Variants in FNBP1L observed in about 807,000 individuals in gnomAD.
FNBP1L encodes formin-binding protein 1-like.
A neutral mutation model predicts 91.2 loss-of-function variants in FNBP1L; 36 were observed. That is an observed-to-expected ratio of 0.39 (90% CI 0.30 to 0.52). The LOEUF is 0.52. FNBP1L is among the 20% of genes least tolerant of loss of function. The pLI, the probability that FNBP1L is intolerant of heterozygous loss-of-function variation, is 0.66. For synonymous variants in FNBP1L, 242 were observed against 237.0 expected (o/e 1.02, Z -0.19); for missense variants, 571 against 732.1 (o/e 0.78, Z 2.54).
intron 1 of FNBP1L, among the ~76,000 whole-genome samples, chr1:93,495,915 T>G (rs567991742): frequency 6.6e-6 from 1 of 152,362 alleles, no homozygotes; most frequent in South Asian, 2.1e-4. Flanking sequence ...ATCTTTTACT[T>G]GTTGTAAAGT....
At chr1:93,517,774 A>G (rs1214321649) in intron 2 of FNBP1L, among the ~76,000 whole-genome samples, 2 of 151,556 alleles carry the variant, frequency 1.3e-5, no homozygotes, top group Admixed American at 1.3e-4. Context: ...GATGGTCTTT[A>G]GCTACCTTTC....
At chr1:93,520,438 G>T (rs1671284050) in intron 2 of FNBP1L, among the ~76,000 whole-genome samples, 1 of 152,050 alleles carries the variant, frequency 6.6e-6, no homozygotes, top group South Asian at 2.1e-4. Context: ...TGATGCTTTT[G>T]TAAACAATAA....
intron 1 of FNBP1L, among the ~76,000 whole-genome samples, chr1:93,455,491 A>G (rs771603414): frequency 2.0e-4 from 30 of 152,226 alleles, no homozygotes; most frequent in Non-Finnish European, 4.0e-4. Flanking sequence ...GCCTGGCTCT[A>G]TGCCACATGC....
intron 15 of FNBP1L, among the ~76,000 whole-genome samples, chr1:93,550,183 A>G (rs1305132294): frequency 6.6e-6 from 1 of 152,194 alleles, no homozygotes; most frequent in Non-Finnish European, 1.5e-5. Flanking sequence ...TAGAAAATAT[A>G]TTAAATTTAA....
chr1:93,491,765 CA>C (rs1453170628), intron 1 of FNBP1L, among the ~76,000 whole-genome samples: 1 of 152,230 alleles, frequency 6.6e-6, no homozygotes, highest in East Asian at 1.9e-4. Context: ...AAGTATAGTA[CA>C]ACCTTAAATA....
intron 10 of FNBP1L, among the ~76,000 whole-genome samples, chr1:93,537,706 T>C (rs1671893264): frequency 6.6e-6 from 1 of 152,166 alleles, no homozygotes; most frequent in Non-Finnish European, 1.5e-5. Flanking sequence ...GTATGATAAC[T>C]GTAGGCATGC....
chr1:93,509,370 G>A lies in FNBP1L; in HGVS notation c.140+9787G>A, dbSNP rs111813970. Among the ~76,000 whole-genome samples the A allele has an allele frequency of 2.3e-3, 344 of 152,296 alleles. 3 individuals are homozygous for A. The highest frequency in any genetic ancestry group is 5.7e-3 in the Admixed American group (87 of 15,308). On this transcript the variant is annotated intron_variant, in intron 2 of 16. Transcript: ENST00000271234. ...TTGTACACAAGCTCTAAATGCTTCA[G>A]CCTGTACTTACACAGAGCTCATAGC...
At chr1:93,513,676 T>G (rs1258158292) in intron 2 of FNBP1L, among the ~76,000 whole-genome samples, 1 of 152,198 alleles carries the variant, frequency 6.6e-6, no homozygotes, top group Non-Finnish European at 1.5e-5. Flanking sequence ...AACCACATGA[T>G]TATCTCAATA....
chr1:93,529,864 C>G lies in FNBP1L; in HGVS notation c.510+108C>G, dbSNP rs1047836065. The G allele has an allele frequency of 2.9e-5, 19 of 664,680 alleles. No homozygotes were observed. In the Admixed American group the frequency reaches 3.8e-4, roughly 13 times the overall value. The allele number at this position is 664,680 out of a possible 1,614,324, so 41.2% of individuals were successfully genotyped here. ...AGTATTAGGATTTACTTGAGATACA[C>G]TGTATCTAAGTCTAAAATATACAAA... On this transcript the variant is annotated intron_variant, in intron 6 of 16. Coordinates refer to ENST00000271234, the MANE Select transcript of FNBP1L (RefSeq NM_001164473.3).
At chr1:93,547,322 T>C (rs371435973) in intron 13 of FNBP1L, 25 bp from the exon 14 acceptor site, 2 of 1,515,098 alleles carry the variant, frequency 1.3e-6, no homozygotes, top group Non-Finnish European at 1.8e-6. Context: ...TTGAGCTCAG[T>C]TGTTTGCTTA....
At position 93,536,486 on chromosome 1, in the gene FNBP1L, G is replaced by A; in HGVS notation, c.1145G>A (p.Arg382Lys). 6.5e-7 allele frequency: 1 copy of A among 1,548,022 alleles called. No homozygotes were observed. Among genetic ancestry groups the A allele is most frequent in the Admixed American group, 2.0e-5 (1 of 50,512 alleles). ...ATTCCTTCTTTCAGAAGCCTCAAAA[G>A]AGGGGTAAGTTTAATAATGGGTTAA... is the stretch of plus-strand genomic sequence containing the variant. ...PRIPSFRSLK[R>K]GWSVKMGPAL... is the part of the protein sequence containing the mutation. Residue 382 changes from arginine (R) to lysine (K), a missense_variant, in exon 10 of 17, where the codon AGA becomes AAA. Physicochemically the swap from Arg to Lys is conservative, Grantham distance 26 (BLOSUM62 2). This residue lies in a region of FNBP1L where 150 missense variants were observed against 155.9 expected (regional missense o/e 0.96). Transcript: ENST00000271234.
intron 1 of FNBP1L, among the ~76,000 whole-genome samples, chr1:93,472,266 C>T (rs1442823472): frequency 6.6e-6 from 1 of 152,112 alleles, no homozygotes; most frequent in Non-Finnish European, 1.5e-5. Flanking sequence ...CTTTTTACTC[C>T]TATTAAATTG....
chr1:93,517,554 T>A (rs1671171870), intron 2 of FNBP1L, among the ~76,000 whole-genome samples: 3 of 152,226 alleles, frequency 2.0e-5, no homozygotes, highest in Admixed American at 2.0e-4. Context: ...ATATGTCTAC[T>A]CAATTTGGTT....
intron 1 of FNBP1L, among the ~76,000 whole-genome samples, chr1:93,483,242 G>C (rs1436237082): frequency 6.6e-6 from 1 of 151,022 alleles, no homozygotes; most frequent in African/African-American, 2.4e-5. Flanking sequence ...CCACCCTACC[G>C]GGTCACAGGC....
chr1:93,507,139 TC>T (rs1365374387), intron 2 of FNBP1L, among the ~76,000 whole-genome samples: 77 of 147,312 alleles, frequency 5.2e-4, no homozygotes, highest in Admixed American at 1.2e-3. Context: ...TCTCTCTCTC[TC>T]TCTCTCTCTC....
rs866769817 is a variant in FNBP1L at position 93,503,335 on chromosome 1, A to G, written c.140+3752A>G. Among the ~76,000 whole-genome samples the G allele has an allele frequency of 2.6e-5, 4 of 152,272 alleles. No individual in the cohort carries two copies. The Middle Eastern group carries it at 0.014, about 518-fold the overall frequency. ...ATGGGGGAAACCGCCCCCATGATTCAGTTATCTCCACCTGGTCCCTCCCAT... is the reference window on the plus strand; with the variant it reads ...ATGGGGGAAACCGCCCCCATGATTCGGTTATCTCCACCTGGTCCCTCCCAT... On this transcript the variant is annotated intron_variant, in intron 2 of 16. Transcript: ENST00000271234.
intron 2 of FNBP1L, among the ~76,000 whole-genome samples, chr1:93,505,522 T>C (rs935578021): frequency 2.0e-5 from 3 of 152,136 alleles, no homozygotes; most frequent in Admixed American, 1.3e-4. Flanking sequence ...AAAAACACTT[T>C]TAAATAAGGA....
chr1:93,476,837 T>C (rs1354982696), intron 1 of FNBP1L, among the ~76,000 whole-genome samples: 1 of 152,068 alleles, frequency 6.6e-6, no homozygotes, highest in African/African-American at 2.4e-5. Flanking sequence ...GAGAAAGATG[T>C]GTTACTGAAG....
At chr1:93,464,285 G>A (rs987626330) in intron 1 of FNBP1L, among the ~76,000 whole-genome samples, 47 of 152,142 alleles carry the variant, frequency 3.1e-4, no homozygotes, top group African/African-American at 1.0e-3. Flanking sequence ...CAGTACATAC[G>A]GATCTTCTCC....
Sources: allele counts gnomAD v4.1 joint callset (sites outside exome capture counted in the v4.1 genomes callset), GRCh38; gene constraint gnomAD v4.1.1; regional missense constraint gnomAD v4.1.1; transcripts MANE v1.5; gene names NCBI Gene and HGNC (gene_info 2026-07-23, HGNC 2026-07-21).